UNC13B: variants seen among roughly 807,000 people sequenced by gnomAD.
UNC13B encodes the protein protein unc-13 homolog B.
A neutral mutation model predicts 211.0 loss-of-function variants in UNC13B; 144 were observed. That is an observed-to-expected ratio of 0.68 (90% CI 0.60 to 0.78). UNC13B has a LOEUF of 0.78. UNC13B is among the 30% of genes least tolerant of loss of function. The probability of loss-of-function intolerance (pLI) is 0.00; values close to 1 mark genes in which losing one functional copy is unlikely to be tolerated. For missense variants in UNC13B, 1,777 were observed against 2,002.0 expected (o/e 0.89, Z 2.14); for synonymous variants, 709 against 725.8 (o/e 0.98, Z 0.37).
chr9:35,254,998 T>TATG (rs1237502448), intron 6 of UNC13B, among the ~76,000 whole-genome samples: 1 of 112,738 alleles, frequency 8.9e-6, no homozygotes, highest in South Asian at 2.3e-4. Context: ...ATATATTATA[T>TATG]TATATTATAT....
chr9:35,163,379 T>C (rs1447695888), intron 1 of UNC13B, among the ~76,000 whole-genome samples: 2 of 152,250 alleles, frequency 1.3e-5, no homozygotes, highest in Non-Finnish European at 2.9e-5. Context: ...CAGATGAAAC[T>C]GCTTTGCTCT....
Position 35,296,576 on chromosome 9 carries a change from A to G in UNC13B, c.761+646A>G, listed in dbSNP as rs148752761. Among the ~76,000 whole-genome samples, 1,166 of 152,282 alleles carry G rather than the reference A, an allele frequency of 7.7e-3. 17 individuals are homozygous for G. The highest frequency in any genetic ancestry group is 0.027 in the African/African-American group (1,112 of 41,548). Reference sequence around the variant, plus strand: ...TATTTATGAGTATAAAAGCAAGTACATACATATGTGCTCTCCCCTGCCCTA... The same window carrying G: ...TATTTATGAGTATAAAAGCAAGTACGTACATATGTGCTCTCCCCTGCCCTA... On this transcript the variant is annotated intron_variant, in intron 8 of 39. Coordinates refer to ENST00000635942, the MANE Select transcript of UNC13B (RefSeq NM_001371189.2).
At chr9:35,280,639 T>C (rs1828430967) in intron 7 of UNC13B, among the ~76,000 whole-genome samples, 1 of 152,186 alleles carries the variant, frequency 6.6e-6, no homozygotes, top group Non-Finnish European at 1.5e-5. Flanking sequence ...AAGCAGCTGA[T>C]ATTGATGCTA....
chr9:35,397,667 C>A lies in UNC13B; in HGVS notation c.11709C>A (p.Asp3903Glu). 6.2e-7 allele frequency: 1 copy of A among 1,614,084 alleles called. No homozygotes were observed. Among genetic ancestry groups the A allele is most frequent in the South Asian group, 1.1e-5 (1 of 91,036 alleles). The change falls in exon 30 of 40, where the codon GAC (aspartate) becomes GAA (glutamate). Residue 3903 changes from aspartate (D) to glutamate (E), a missense_variant. Asp to Glu is a conservative substitution (Grantham distance 45). Coordinates refer to ENST00000635942, the MANE Select transcript of UNC13B (RefSeq NM_001371189.2). ...TIGKVLMQYA[D>E]ILSKDFPAYC... ...GGAAGGTGCTGATGCAGTATGCAGA[C>A]ATCTTGTCAAAGGACTTCCCAGCCT...
chr9:35,162,365 C>A (rs895033261), intron 1 of UNC13B, 60 bp downstream of exon 1: 1 of 1,480,174 alleles, frequency 6.8e-7, no homozygotes, highest in East Asian at 2.7e-5. Context: ...CCGCACCCTT[C>A]CAGTGGACGT....
chr9:35,384,767 T>C (rs1835081908), intron 22 of UNC13B: 4 of 969,754 alleles, frequency 4.1e-6, no homozygotes, highest in African/African-American at 1.8e-5. Context: ...TCAGAGAGCA[T>C]GTCCATTCCT....
At chr9:35,184,404 C>T (rs1397510309) in intron 1 of UNC13B, among the ~76,000 whole-genome samples, 3 of 152,224 alleles carry the variant, frequency 2.0e-5, no homozygotes, top group Non-Finnish European at 2.9e-5. Flanking sequence ...AGCCACTGCA[C>T]TCCAGCCTGG....
intron 11 of UNC13B, among the ~76,000 whole-genome samples, chr9:35,319,840 G>A (rs1830652884): frequency 6.6e-6 from 1 of 151,770 alleles, no homozygotes; most frequent in Admixed American, 6.6e-5. Context: ...AAAAATTCTT[G>A]TGTAGAGATA....
At chr9:35,295,629 A>C in intron 7 of UNC13B, 67 bp from the exon 8 acceptor site, 1 of 1,486,306 alleles carries the variant, frequency 6.7e-7, no homozygotes, top group Non-Finnish European at 9.3e-7. Flanking sequence ...ACTAAGTTAG[A>C]AGCAGAAATA....
intron 1 of UNC13B, among the ~76,000 whole-genome samples, chr9:35,224,429 ATTTC>A (rs2131471148): frequency 6.6e-6 from 1 of 152,178 alleles, no homozygotes; most frequent in African/African-American, 2.4e-5. Flanking sequence ...TACTTTTTAA[ATTTC>A]TTTTTCAGCT....
In UNC13B at chr9:35,305,719, T is replaced by C. The variant is rs1337596687; in HGVS notation, c.6315T>C (p.Thr2105=). 4 of 398,886 alleles carry C rather than the reference T, an allele frequency of 1.0e-5. No homozygotes were observed. Among genetic ancestry groups the C allele is most frequent in the Non-Finnish European group, 1.8e-5 (4 of 226,040 alleles). The allele number at this position is 398,886 out of a possible 1,614,324, so 24.7% of individuals were successfully genotyped here. ...CTTCCAGGGAGTCTTCAGTAGAAACTAGTGGTGTGACTACAGTGACAGAAG... is the reference window on the plus strand; with the variant it reads ...CTTCCAGGGAGTCTTCAGTAGAAACCAGTGGTGTGACTACAGTGACAGAAG... ...KESSRESSVE[T]SGVTTVTEVS... Residue 2105 remains threonine, a synonymous_variant, in exon 9 of 40, where the codon ACT becomes ACC. Transcript: ENST00000635942.
chr9:35,374,529 G>T (rs577880778), intron 13 of UNC13B, among the ~76,000 whole-genome samples: 1 of 151,614 alleles, frequency 6.6e-6, no homozygotes, highest in African/African-American at 2.4e-5. Context: ...CAAGAGTGTG[G>T]CTAGCAAGGC....
intron 1 of UNC13B, among the ~76,000 whole-genome samples, chr9:35,198,485 A>G (rs1039532465): frequency 5.3e-5 from 8 of 152,194 alleles, no homozygotes; most frequent in African/African-American, 1.9e-4. Context: ...TTTATACAGT[A>G]TGTAGTCTCA....
chr9:35,174,740 G>A (rs547671508), intron 1 of UNC13B, among the ~76,000 whole-genome samples: 1 of 152,088 alleles, frequency 6.6e-6, no homozygotes, highest in African/African-American at 2.4e-5. Context: ...TAGTAGAGAC[G>A]GGGTTCCACT....
intron 6 of UNC13B, among the ~76,000 whole-genome samples, chr9:35,247,885 G>GA (rs1826200306): frequency 6.6e-6 from 1 of 152,162 alleles, no homozygotes; most frequent in Non-Finnish European, 1.5e-5. Flanking sequence ...AGTTAGGGAG[G>GA]ATTCCCTCTT....
chr9:35,233,032 C>T (rs1825301609), intron 3 of UNC13B, among the ~76,000 whole-genome samples: 1 of 152,172 alleles, frequency 6.6e-6, no homozygotes, highest in African/African-American at 2.4e-5. Context: ...GGTTGCTTCT[C>T]TCTCAAGATT....
Position 35,170,843 on chromosome 9 carries a change from G to A in UNC13B, c.22+8538G>A, listed in dbSNP as rs57032433. ...TTTTTTTGAGACAGGTTCTTATTCTGTTGCTTAGGCTAGAGTGCCATGGTG... is the reference window on the plus strand; with the variant it reads ...TTTTTTTGAGACAGGTTCTTATTCTATTGCTTAGGCTAGAGTGCCATGGTG... On this transcript the variant is annotated intron_variant, in intron 1 of 39. Coordinates refer to ENST00000635942, the MANE Select transcript of UNC13B (RefSeq NM_001371189.2). Among the ~76,000 whole-genome samples, 986 of 151,810 alleles carry A rather than the reference G, an allele frequency of 6.5e-3. 8 individuals carry two copies. Among genetic ancestry groups the A allele is most frequent in the African/African-American group, 0.018 (743 of 41,400 alleles).
intron 26 of UNC13B, among the ~76,000 whole-genome samples, chr9:35,394,582 C>T (rs1234017389): frequency 2.6e-5 from 4 of 152,030 alleles, no homozygotes; most frequent in South Asian, 2.1e-4. Context: ...GGTGACAGAG[C>T]GAGACTCCAT....
intron 1 of UNC13B, among the ~76,000 whole-genome samples, chr9:35,171,534 T>A (rs932602207): frequency 1.2e-4 from 19 of 152,204 alleles, no homozygotes; most frequent in Non-Finnish European, 2.1e-4. Flanking sequence ...CCTAAGTAGT[T>A]GGGACTACAA....
Sources: gnomAD v4.1 joint callset for allele counts (sites outside exome capture counted in the v4.1 genomes callset) on GRCh38, gnomAD v4.1.1 for gene constraint, MANE v1.5 for transcripts, NCBI Gene and HGNC (gene_info 2026-07-23, HGNC 2026-07-21) for gene names.